Variants in SCAPER observed in about 807,000 individuals in gnomAD.
SCAPER encodes the protein S phase cyclin A-associated protein in the endoplasmic reticulum.
SCAPER carries 98 observed loss-of-function variants against 182.2 expected under a neutral mutation model. That is an observed-to-expected ratio of 0.54 (90% CI 0.46 to 0.64). The LOEUF (loss-of-function observed/expected upper bound fraction) is 0.64, where lower values mean the gene tolerates loss of function less well. Among genes scored for constraint, SCAPER ranks in the 30% least tolerant of loss-of-function variants. The pLI, the probability that SCAPER is intolerant of heterozygous loss-of-function variation, is 0.00. For synonymous variants in SCAPER, 605 were observed against 564.6 expected (o/e 1.07, Z -1.01); for missense variants, 1,432 against 1,690.0 (o/e 0.85, Z 2.68).
intron 1 of SCAPER, among the ~76,000 whole-genome samples, chr15:76,887,456 C>T (rs547202644): frequency 8.5e-5 from 13 of 152,230 alleles, no homozygotes; most frequent in African/African-American, 2.6e-4. Flanking sequence ...GCCCAAATAC[C>T]GCGCTTTTCC....
chr15:76,755,504 G>A, intron 14 of SCAPER, among the ~76,000 whole-genome samples: 1 of 152,110 alleles, frequency 6.6e-6, no homozygotes, highest in East Asian at 1.9e-4. Context: ...AATACCAGAA[G>A]GTAACGAAAG....
At chr15:76,392,108 T>C (rs1057435498) in intron 27 of SCAPER, among the ~76,000 whole-genome samples, 28 of 152,246 alleles carry the variant, frequency 1.8e-4, no homozygotes, top group Admixed American at 1.6e-3. Context: ...CTGGTAGAAA[T>C]TGCCAGTAGG....
chr15:76,507,454 C>T (rs936740024), intron 23 of SCAPER, among the ~76,000 whole-genome samples: 11 of 152,164 alleles, frequency 7.2e-5, no homozygotes, highest in South Asian at 6.2e-4. Flanking sequence ...CCCTCTATTA[C>T]ATCACCACCT....
At chr15:76,415,070 G>C (rs937078461) in intron 26 of SCAPER, among the ~76,000 whole-genome samples, 1 of 152,144 alleles carries the variant, frequency 6.6e-6, no homozygotes, top group Admixed American at 6.5e-5. Flanking sequence ...GATAAAGTCA[G>C]TGTAATGAAG....
Position 76,822,217 on chromosome 15 carries a change from G to A in SCAPER, c.394-17584C>T, listed in dbSNP as rs111692420. 1.3e-3 allele frequency among the ~76,000 whole-genome samples: 201 copies of A among 152,220 alleles called. 2 individuals carry two copies. In the Middle Eastern group the frequency reaches 0.014, roughly 10 times the overall value. ...TCAATTGTAACAAATATACCACTCA[G>A]GTGTATGATATTGATAATGGAGGAG... On this transcript the variant is annotated intron_variant, in intron 5 of 31. Coordinates refer to ENST00000563290, the MANE Select transcript of SCAPER (RefSeq NM_020843.4).
intron 14 of SCAPER, among the ~76,000 whole-genome samples, chr15:76,759,956 G>C (rs1326889753): frequency 6.6e-6 from 1 of 152,162 alleles, no homozygotes; most frequent in African/African-American, 2.4e-5. Flanking sequence ...TTTGGAATCA[G>C]AGTGATGCTG....
chr15:76,717,281 A>G (rs1038616930), intron 17 of SCAPER, among the ~76,000 whole-genome samples: 1 of 152,160 alleles, frequency 6.6e-6, no homozygotes, highest in Non-Finnish European at 1.5e-5. Context: ...GTGTTACATG[A>G]AATGCTTCTT....
intron 23 of SCAPER, among the ~76,000 whole-genome samples, chr15:76,536,295 T>A (rs999558857): frequency 1.3e-5 from 2 of 151,998 alleles, no homozygotes; most frequent in African/African-American, 4.8e-5. Flanking sequence ...AGAGTTCACA[T>A]CCAGTCTGGG....
At chr15:76,778,653 G>C (rs948672901) in intron 8 of SCAPER, among the ~76,000 whole-genome samples, 1 of 151,952 alleles carries the variant, frequency 6.6e-6, no homozygotes, top group African/African-American at 2.4e-5. Flanking sequence ...ATGTGTGTGT[G>C]TGTGTGTGTG....
At chr15:76,719,140 A>G (rs991408036) in intron 17 of SCAPER, among the ~76,000 whole-genome samples, 1 of 152,210 alleles carries the variant, frequency 6.6e-6, no homozygotes. Flanking sequence ...CCAAGATATG[A>G]AAGGAAACTA....
At chr15:76,611,046 T>C (rs2050934404) in intron 22 of SCAPER, among the ~76,000 whole-genome samples, 1 of 152,174 alleles carries the variant, frequency 6.6e-6, no homozygotes, top group Admixed American at 6.5e-5. Context: ...AAACATAAGA[T>C]AGTGGCATAA....
At chr15:76,860,334 A>G (rs1400490758) in intron 3 of SCAPER, among the ~76,000 whole-genome samples, 1 of 152,186 alleles carries the variant, frequency 6.6e-6, no homozygotes. Context: ...CTCCTTGTGG[A>G]AAGATTAGCT....
At chr15:76,468,847 G>A (rs1487932351) in intron 25 of SCAPER, among the ~76,000 whole-genome samples, 1 of 152,130 alleles carries the variant, frequency 6.6e-6, no homozygotes, top group Non-Finnish European at 1.5e-5. Flanking sequence ...CCTCATGAAT[G>A]GGATTAGTGC....
intron 21 of SCAPER, among the ~76,000 whole-genome samples, chr15:76,627,919 ACTC>A (rs1367351909): frequency 1.3e-4 from 19 of 151,942 alleles, no homozygotes; most frequent in Non-Finnish European, 1.8e-4. Context: ...GTGTAAAAGC[ACTC>A]CTATTTCTCC....
At chr15:76,434,609 G>C (rs1424105796) in intron 25 of SCAPER, among the ~76,000 whole-genome samples, 1 of 152,060 alleles carries the variant, frequency 6.6e-6, no homozygotes, top group Non-Finnish European at 1.5e-5. Context: ...AAAATGCTTA[G>C]AACATGCACA....
At chr15:76,659,122 C>T (rs1488502956) in intron 21 of SCAPER, among the ~76,000 whole-genome samples, 1 of 152,026 alleles carries the variant, frequency 6.6e-6, no homozygotes, top group Non-Finnish European at 1.5e-5. Context: ...GAAAATATTA[C>T]CAGAGTAAAC....
At chr15:76,817,743 T>A (rs966446470) in intron 5 of SCAPER, among the ~76,000 whole-genome samples, 1 of 151,900 alleles carries the variant, frequency 6.6e-6, no homozygotes, top group South Asian at 2.1e-4. Flanking sequence ...CCCCAAAATA[T>A]GAAATACTTA....
At chr15:76,900,341 C>CT (rs1555660416) in intron 1 of SCAPER, among the ~76,000 whole-genome samples, 1 of 84,726 alleles carries the variant, frequency 1.2e-5, no homozygotes, top group Non-Finnish European at 2.4e-5. Flanking sequence ...TCAATAAATA[C>CT]TAAAAAAAAA....
At chr15:76,509,983 C>T (rs953803704) in intron 23 of SCAPER, among the ~76,000 whole-genome samples, 3 of 152,118 alleles carry the variant, frequency 2.0e-5, no homozygotes, top group African/African-American at 7.2e-5. Flanking sequence ...GTAAAGGACA[C>T]CATATTCAAC....
Sources: gnomAD v4.1 joint callset for allele counts (sites outside exome capture counted in the v4.1 genomes callset) on GRCh38, gnomAD v4.1.1 for gene constraint, MANE v1.5 for transcripts, NCBI Gene and HGNC (gene_info 2026-07-23, HGNC 2026-07-21) for gene names.